Variants in IQCM observed in about 807,000 individuals in gnomAD.
IQCM encodes the protein IQ motif containing M.
IQCM carries 45 observed loss-of-function variants against 57.6 expected under a neutral mutation model. The ratio of observed to expected loss-of-function variants is 0.78; its 90% confidence interval spans 0.62 to 1.00. The LOEUF (loss-of-function observed/expected upper bound fraction) is 1.00. Among genes scored for constraint, IQCM ranks in the 50% least tolerant of loss-of-function variants. The pLI is 0.00. For missense variants in IQCM, 468 were observed against 511.6 expected (o/e 0.91, Z 0.82); for synonymous variants, 148 against 158.9 (o/e 0.93, Z 0.51).
At chr4:149,445,078 A>G (rs1022246382) in intron 12 of IQCM, among the ~76,000 whole-genome samples, 2 of 151,906 alleles carry the variant, frequency 1.3e-5, no homozygotes, top group Admixed American at 1.3e-4. Flanking sequence ...ATTTTCCTTT[A>G]ACCCTGAAGC....
At chr4:149,620,645 A>G (rs1474336985) in intron 8 of IQCM, among the ~76,000 whole-genome samples, 4 of 152,246 alleles carry the variant, frequency 2.6e-5, no homozygotes, top group Non-Finnish European at 5.9e-5. Context: ...TAAAGTACCA[A>G]TTCTACTTTC....
chr4:149,774,545 C>T (rs1770894077), intron 2 of IQCM, among the ~76,000 whole-genome samples: 1 of 152,130 alleles, frequency 6.6e-6, no homozygotes, highest in Non-Finnish European at 1.5e-5. Flanking sequence ...GCTTTTTCCG[C>T]AGGCCACGTG....
intron 2 of IQCM, among the ~76,000 whole-genome samples, chr4:149,765,836 A>T (rs2062836): frequency 0.5 from 76,167 of 151,658 alleles, 22,577 homozygotes; most frequent in African/African-American, 0.81. Flanking sequence ...ACGGACTGAA[A>T]CCACCCAGAT....
At chr4:149,395,880 A>G (rs188482726) in intron 13 of IQCM, among the ~76,000 whole-genome samples, 73 of 152,108 alleles carry the variant, frequency 4.8e-4, no homozygotes, top group African/African-American at 1.7e-3. Flanking sequence ...AGCTTTCTCT[A>G]TACAAATAAA....
At chr4:149,591,676 C>T (rs564927089) in intron 8 of IQCM, among the ~76,000 whole-genome samples, 20 of 152,036 alleles carry the variant, frequency 1.3e-4, no homozygotes, top group Non-Finnish European at 2.2e-4. Flanking sequence ...TTGTTCAATT[C>T]CCACCTATGA....
intron 12 of IQCM, among the ~76,000 whole-genome samples, chr4:149,481,701 G>GTTTTTTTTTTTTTTTTTTTGTTTTTT (rs1740841793): frequency 1.2e-4 from 6 of 51,548 alleles, no homozygotes; most frequent in Admixed American, 2.5e-4. Context: ...TTCCAGTTTT[G>GTTTTTTTTTTTTTTTTTTTGTTTTTT]TTTTTTTTTT....
intron 13 of IQCM, among the ~76,000 whole-genome samples, chr4:149,390,772 T>A (rs1731794061): frequency 6.6e-6 from 1 of 151,982 alleles, no homozygotes; most frequent in South Asian, 2.1e-4. Context: ...TCTCACTTGA[T>A]CATGGGGTGT....
At chr4:149,435,293 G>A (rs1197500972) in intron 12 of IQCM, among the ~76,000 whole-genome samples, 2 of 152,056 alleles carry the variant, frequency 1.3e-5, no homozygotes, top group East Asian at 3.9e-4. Flanking sequence ...ATATAGTCAT[G>A]TGCTGCATAA....
intron 7 of IQCM, among the ~76,000 whole-genome samples, chr4:149,638,175 A>G (rs1757883108): frequency 2.0e-5 from 3 of 152,356 alleles, no homozygotes; most frequent in African/African-American, 7.2e-5. Context: ...TGCATGTGAG[A>G]AAGTGCCTAG....
intron 9 of IQCM, among the ~76,000 whole-genome samples, chr4:149,586,500 T>A (rs956919683): frequency 6.6e-6 from 1 of 151,666 alleles, no homozygotes; most frequent in Non-Finnish European, 1.5e-5. Flanking sequence ...TCTTCTTTTT[T>A]AAAAACTGGT....
chr4:149,661,461 G>T (rs1285207232), intron 7 of IQCM, among the ~76,000 whole-genome samples: 1 of 152,012 alleles, frequency 6.6e-6, no homozygotes, highest in Non-Finnish European at 1.5e-5. Context: ...GTAAATTGCT[G>T]GCCTCACAAA....
chr4:149,651,515 C>T (rs893635383), intron 7 of IQCM, among the ~76,000 whole-genome samples: 4 of 152,072 alleles, frequency 2.6e-5, no homozygotes, highest in South Asian at 2.1e-4. Flanking sequence ...GCTCTGGCTA[C>T]TGTCACACAC....
At chr4:149,360,356 A>G (rs1578788977) in intron 13 of IQCM, among the ~76,000 whole-genome samples, 2 of 152,232 alleles carry the variant, frequency 1.3e-5, no homozygotes. Flanking sequence ...AAAGTATCCA[A>G]GAGGACAGGT....
chr4:149,714,888 A>T (rs1764861632), intron 5 of IQCM, among the ~76,000 whole-genome samples: 1 of 152,158 alleles, frequency 6.6e-6, no homozygotes, highest in Non-Finnish European at 1.5e-5. Flanking sequence ...GAGGATTCTT[A>T]TCCTGGGTGG....
At chr4:149,781,743 A>G (rs550209322) in intron 2 of IQCM, among the ~76,000 whole-genome samples, 35 of 152,174 alleles carry the variant, frequency 2.3e-4, no homozygotes, top group Non-Finnish European at 4.0e-4. Flanking sequence ...AGACTAGTGA[A>G]CTGCCAAAAC....
intron 12 of IQCM, among the ~76,000 whole-genome samples, chr4:149,503,211 A>G (rs1055060562): frequency 2.0e-5 from 3 of 152,166 alleles, no homozygotes; most frequent in African/African-American, 7.2e-5. Flanking sequence ...ACAGAGCAAG[A>G]CCCTGTCTCT....
At chr4:149,542,414 T>C (rs912291706) in intron 12 of IQCM, among the ~76,000 whole-genome samples, 2 of 152,114 alleles carry the variant, frequency 1.3e-5, no homozygotes, top group Admixed American at 1.3e-4. Context: ...AATTATGTTT[T>C]TATAACACTG....
At chr4:149,546,898 G>A (rs1252746514) in intron 12 of IQCM, among the ~76,000 whole-genome samples, 1 of 152,110 alleles carries the variant, frequency 6.6e-6, no homozygotes, top group East Asian at 1.9e-4. Flanking sequence ...CCTTGCCCAT[G>A]CCTATGTCCT....
chr4:149,782,107 C>A (rs1464385470), intron 2 of IQCM, among the ~76,000 whole-genome samples: 4 of 152,030 alleles, frequency 2.6e-5, no homozygotes, highest in African/African-American at 9.7e-5. Context: ...AGCCTTCAAA[C>A]TGTAGTCCAG....
Sources: allele counts gnomAD v4.1 joint callset (sites outside exome capture counted in the v4.1 genomes callset), GRCh38; gene constraint gnomAD v4.1.1; transcripts MANE v1.5; gene names NCBI Gene and HGNC (gene_info 2026-07-23, HGNC 2026-07-21).